Variants in EXOC6B observed in about 807,000 individuals in gnomAD.
EXOC6B encodes the protein SEC15 homolog B.
A neutral mutation model predicts 113.5 loss-of-function variants in EXOC6B; 54 were observed. That is an observed-to-expected ratio of 0.48 (90% CI 0.38 to 0.60). The LOEUF (loss-of-function observed/expected upper bound fraction) is 0.60, where lower values mean the gene tolerates loss of function less well. Among genes scored for constraint, EXOC6B ranks in the 20% least tolerant of loss-of-function variants. The pLI is 0.00. For synonymous variants in EXOC6B, 357 were observed against 339.0 expected (o/e 1.05, Z -0.58); for missense variants, 797 against 977.5 (o/e 0.82, Z 2.46).
intron 1 of EXOC6B, among the ~76,000 whole-genome samples, chr2:72,763,207 T>C (rs541451042): frequency 6.6e-6 from 1 of 152,212 alleles, no homozygotes; most frequent in Admixed American, 6.5e-5. Context: ...ATATAGGTAA[T>C]TGTGTTAACA....
intron 6 of EXOC6B, among the ~76,000 whole-genome samples, chr2:72,652,776 TATAC>T (rs1355719491): frequency 2.0e-5 from 3 of 147,962 alleles, no homozygotes; most frequent in African/African-American, 7.3e-5. Context: ...TAATATATAA[TATAC>T]GTAATATAAT....
chr2:72,527,884 T>C (rs935637632), intron 8 of EXOC6B, among the ~76,000 whole-genome samples: 3 of 151,978 alleles, frequency 2.0e-5, no homozygotes, highest in Non-Finnish European at 4.4e-5. Flanking sequence ...TTCTTTTGTT[T>C]TTTGTTTATT....
At chr2:72,808,355 A>C (rs1685695333) in intron 1 of EXOC6B, among the ~76,000 whole-genome samples, 1 of 152,228 alleles carries the variant, frequency 6.6e-6, no homozygotes, top group Admixed American at 6.5e-5. Context: ...AGAAAGACAA[A>C]GTTTCATTCA....
At chr2:72,610,859 A>C (rs1231001162) in intron 6 of EXOC6B, among the ~76,000 whole-genome samples, 1 of 152,210 alleles carries the variant, frequency 6.6e-6, no homozygotes, top group Non-Finnish European at 1.5e-5. Flanking sequence ...TCCGCAGTGA[A>C]GAAACCTGAC....
intron 3 of EXOC6B, among the ~76,000 whole-genome samples, chr2:72,732,017 C>T (rs1248062227): frequency 6.6e-6 from 1 of 152,146 alleles, no homozygotes; most frequent in Non-Finnish European, 1.5e-5. Context: ...GTTTCCTCAT[C>T]AATAAAACAG....
intron 18 of EXOC6B, chr2:72,461,347 T>C (rs1697655595): frequency 6.9e-6 from 1 of 145,778 alleles, no homozygotes; most frequent in Non-Finnish European, 1.5e-5. Flanking sequence ...ACCCTAAAAC[T>C]TAAAGTATTA....
At chr2:72,375,992 A>C (rs188173320) in intron 19 of EXOC6B, among the ~76,000 whole-genome samples, 14 of 152,276 alleles carry the variant, frequency 9.2e-5, no homozygotes, top group Admixed American at 6.5e-4. Context: ...CTAGCCTCAG[A>C]GTCACAAAGG....
At chr2:72,222,380 C>T (rs1156953960) in intron 20 of EXOC6B, among the ~76,000 whole-genome samples, 1 of 152,088 alleles carries the variant, frequency 6.6e-6, no homozygotes, top group African/African-American at 2.4e-5. Flanking sequence ...GTGTAGACCA[C>T]AAGAACAAGT....
rs1680675839 is a variant in EXOC6B, at chr2:72,732,104, T to C, written c.328-859A>G. Among the ~76,000 whole-genome samples the C allele has an allele frequency of 3.3e-5, 5 of 152,278 alleles. No individual in the cohort carries two copies. In the South Asian group the frequency reaches 8.3e-4, roughly 25 times the overall value. On this transcript the variant is annotated intron_variant, in intron 3 of 21. Transcript: ENST00000272427. ...GATATAAAAATATTGTAAACTGTGA[T>C]GGTTTAAATGGTAAATATGTCAATC...
At chr2:72,554,465 T>C (rs1159157228) in intron 8 of EXOC6B, among the ~76,000 whole-genome samples, 1 of 152,224 alleles carries the variant, frequency 6.6e-6, no homozygotes, top group Non-Finnish European at 1.5e-5. Flanking sequence ...GCTGTTCTCA[T>C]GATAGTGAGT....
intron 1 of EXOC6B, among the ~76,000 whole-genome samples, chr2:72,746,958 A>G (rs939980893): frequency 6.6e-6 from 1 of 152,058 alleles, no homozygotes; most frequent in South Asian, 2.1e-4. Context: ...AAATGCCTTA[A>G]TCAAAATTAA....
At chr2:72,580,869 T>C (rs547804765) in intron 6 of EXOC6B, among the ~76,000 whole-genome samples, 3 of 152,340 alleles carry the variant, frequency 2.0e-5, no homozygotes, top group Non-Finnish European at 2.9e-5. Flanking sequence ...GTTCCTTCCA[T>C]AGTCAGTTCC....
chr2:72,784,116 T>C (rs1479138769), intron 1 of EXOC6B, among the ~76,000 whole-genome samples: 2 of 152,228 alleles, frequency 1.3e-5, no homozygotes, highest in East Asian at 3.8e-4. Flanking sequence ...TTCCCCAATG[T>C]ATGCTTTGGG....
chr2:72,817,614 C>T (rs967193669), intron 1 of EXOC6B, among the ~76,000 whole-genome samples: 8 of 28,380 alleles, frequency 2.8e-4, no homozygotes, highest in Admixed American at 2.1e-3. Flanking sequence ...ACAGGGTAGA[C>T]AATCAAAAAT....
At chr2:72,767,827 A>AAAAAAAAAAAAAAAAAAAAAAAC (rs1683171576) in intron 1 of EXOC6B, among the ~76,000 whole-genome samples, 1 of 141,010 alleles carries the variant, frequency 7.1e-6, no homozygotes, top group Non-Finnish European at 1.5e-5. Context: ...AAAAAAAAAA[A>AAAAAAAAAAAAAAAAAAAAAAAC]AAAAAAGACC....
chr2:72,486,898 T>C (rs920246525), intron 16 of EXOC6B, among the ~76,000 whole-genome samples: 1 of 152,120 alleles, frequency 6.6e-6, no homozygotes, highest in Admixed American at 6.6e-5. Flanking sequence ...CTTAACCGAC[T>C]TCCCCTGCTA....
rs756727194 is a variant in EXOC6B, at chr2:72,741,433, C to T, written c.150G>A (p.Met50Ile). The stretch of plus-strand genomic sequence containing the variant: ...TACGGATACGAGTTTCAAGCTTCTC[C>T]ATGAAACGTCCATGTTCTTCACCAT... ...VYDGEEHGRF[M>I]EKLETRIRNH... Residue 50 changes from methionine to isoleucine, a missense_variant, in exon 2 of 22, where the codon ATG (methionine) becomes ATA (isoleucine). Coordinates refer to ENST00000272427, the MANE Select transcript of EXOC6B (RefSeq NM_015189.3). 1 of 1,613,504 alleles carries T rather than the reference C, an allele frequency of 6.2e-7. No homozygotes were observed. Among genetic ancestry groups the T allele is most frequent in the Non-Finnish European group, 8.5e-7 (1 of 1,179,750 alleles).
intron 20 of EXOC6B, among the ~76,000 whole-genome samples, chr2:72,247,937 G>A (rs1682769276): frequency 6.6e-6 from 1 of 152,108 alleles, no homozygotes; most frequent in Admixed American, 6.5e-5. Context: ...TATGGTGTAG[G>A]TAAAAGATGC....
At position 72,409,972 on chromosome 2, in the gene EXOC6B, C is replaced by T. The variant is rs563320873; in HGVS notation, c.1981-30102G>A. Among the ~76,000 whole-genome samples, 67 of 152,224 alleles carry T rather than the reference C, an allele frequency of 4.4e-4. No homozygotes were observed. The South Asian group carries it at 0.012, about 27-fold the overall frequency. On this transcript the variant is annotated intron_variant, in intron 18 of 21. Coordinates refer to ENST00000272427, the MANE Select transcript of EXOC6B (RefSeq NM_015189.3). ...GTCCCACAATGAGAACATGGGATGCCGTCGTTCCCCCACAGAGGAAGGTGA... is the reference window on the plus strand; with the variant it reads ...GTCCCACAATGAGAACATGGGATGCTGTCGTTCCCCCACAGAGGAAGGTGA...
Sources: gnomAD v4.1 joint callset for allele counts (sites outside exome capture counted in the v4.1 genomes callset) on GRCh38, gnomAD v4.1.1 for gene constraint, MANE v1.5 for transcripts, NCBI Gene and HGNC (gene_info 2026-07-23, HGNC 2026-07-21) for gene names.